Variants in TRAPPC3L observed in about 807,000 individuals in gnomAD.
The protein encoded by TRAPPC3L is trafficking protein particle complex subunit 3-like protein.
A neutral mutation model predicts 23.7 loss-of-function variants in TRAPPC3L; 23 were observed. The observed-to-expected ratio is 0.97, with a 90% CI of 0.70 to 1.37. The LOEUF (loss-of-function observed/expected upper bound fraction) is 1.37, where lower values mean the gene tolerates loss of function less well. Ranked by LOEUF, TRAPPC3L falls within the 40% of genes most tolerant of loss-of-function variation. The pLI is 0.00. For synonymous variants in TRAPPC3L, 81 were observed against 77.9 expected (o/e 1.04, Z -0.21); for missense variants, 212 against 216.8 (o/e 0.98, Z 0.14).
intron 3 of TRAPPC3L, among the ~76,000 whole-genome samples, chr6:116,525,675 T>C (rs1253821620): frequency 1.3e-5 from 2 of 152,232 alleles, no homozygotes; most frequent in African/African-American, 2.4e-5. Flanking sequence ...GAAAATGAAT[T>C]AATTACTTCA....
At chr6:116,501,951 C>T (rs930423042) in intron 3 of TRAPPC3L, among the ~76,000 whole-genome samples, 2 of 152,190 alleles carry the variant, frequency 1.3e-5, no homozygotes, top group African/African-American at 4.8e-5. Flanking sequence ...ATTCCAAAAA[C>T]CAGAACACCT....
chr6:116,499,036 A>G (rs1384284950), intron 4 of TRAPPC3L, among the ~76,000 whole-genome samples: 2 of 152,160 alleles, frequency 1.3e-5, no homozygotes, highest in Non-Finnish European at 2.9e-5. Context: ...CCTCACTTGC[A>G]TGTGTTAAAC....
intron 3 of TRAPPC3L, among the ~76,000 whole-genome samples, chr6:116,513,102 A>G (rs1300146234): frequency 6.6e-6 from 1 of 152,204 alleles, no homozygotes; most frequent in Non-Finnish European, 1.5e-5. Context: ...ACAAGTGGTA[A>G]GAGTTGATAA....
chr6:116,515,179 A>G (rs901064314), intron 3 of TRAPPC3L, among the ~76,000 whole-genome samples: 8 of 152,162 alleles, frequency 5.3e-5, no homozygotes, highest in Non-Finnish European at 7.4e-5. Flanking sequence ...CTAGCCATGT[A>G]TATACATTTA....
At chr6:116,516,717 A>ACG (rs1772236445) in intron 3 of TRAPPC3L, 5 of 146,276 alleles carry the variant, frequency 3.4e-5, no homozygotes, top group Non-Finnish European at 6.0e-5. Context: ...ATACACACAC[A>ACG]CAGAAATATA....
intron 3 of TRAPPC3L, chr6:116,522,318 G>A (rs1772360661): frequency 6.6e-6 from 1 of 152,198 alleles, no homozygotes. Flanking sequence ...CAAAAATCAT[G>A]AGCTTAAATA....
intron 4 of TRAPPC3L, among the ~76,000 whole-genome samples, chr6:116,500,091 C>A (rs145404915): frequency 5.8e-4 from 89 of 152,306 alleles, no homozygotes; most frequent in Non-Finnish European, 1.0e-3. Context: ...ACAAAGAGGT[C>A]CATGTGGCCA....
At chr6:116,535,535 G>T (rs897959563) in intron 3 of TRAPPC3L, among the ~76,000 whole-genome samples, 1 of 152,150 alleles carries the variant, frequency 6.6e-6, no homozygotes, top group African/African-American at 2.4e-5. Flanking sequence ...AAATGTGTTT[G>T]GAAACCCTAA....
intron 3 of TRAPPC3L, among the ~76,000 whole-genome samples, chr6:116,527,671 A>G (rs1772485697): frequency 6.6e-6 from 1 of 152,232 alleles, no homozygotes; most frequent in Non-Finnish European, 1.5e-5. Flanking sequence ...CCTTCCCTAC[A>G]GTTTCATAAG....
chr6:116,511,183 G>GATGT (rs1554233703), intron 3 of TRAPPC3L, among the ~76,000 whole-genome samples: 4 of 141,516 alleles, frequency 2.8e-5, no homozygotes, highest in Non-Finnish European at 6.1e-5. Flanking sequence ...AAAAGCTATT[G>GATGT]ATATATATAT....
chr6:116,536,096 A>C (rs1547028), intron 3 of TRAPPC3L, among the ~76,000 whole-genome samples: 1 of 152,006 alleles, frequency 6.6e-6, no homozygotes, highest in Non-Finnish European at 1.5e-5. Context: ...TTCAAAATAA[A>C]TTAGTATGTC....
At chr6:116,535,916 A>C (rs1486641537) in intron 3 of TRAPPC3L, among the ~76,000 whole-genome samples, 1 of 152,202 alleles carries the variant, frequency 6.6e-6, no homozygotes, top group Non-Finnish European at 1.5e-5. Context: ...CAATTATTCT[A>C]TCAGTAAAAT....
chr6:116,501,633 T>C (rs190259939), intron 3 of TRAPPC3L, among the ~76,000 whole-genome samples: 89 of 152,210 alleles, frequency 5.8e-4, no homozygotes, highest in African/African-American at 2.1e-3. Flanking sequence ...AGACACCTCA[T>C]ACAGGCAGGT....
intron 3 of TRAPPC3L, among the ~76,000 whole-genome samples, chr6:116,526,156 C>G (rs1772436190): frequency 6.6e-6 from 1 of 152,218 alleles, no homozygotes; most frequent in Admixed American, 6.5e-5. Context: ...CTACCTCTTT[C>G]CCTATAGACA....
At chr6:116,540,537 TTG>T in intron 2 of TRAPPC3L, 75 bp from the exon 3 acceptor site, 1 of 1,433,714 alleles carries the variant, frequency 7.0e-7, no homozygotes. Flanking sequence ...AAGAAGCGAT[TTG>T]TGTGTTTAGC....
rs61639276 is a variant in TRAPPC3L at position 116,497,825 on chromosome 6, G to C, written c.427-752C>G. 5.7e-3 allele frequency among the ~76,000 whole-genome samples: 867 copies of C among 152,246 alleles called. 10 individuals are homozygous for C. The highest frequency in any genetic ancestry group is 0.02 in the African/African-American group (837 of 41,544). On this transcript the variant is annotated intron_variant, in intron 4 of 4. Transcript: ENST00000368602. ...TAAGATAAATAAGTAAAAGCACCTA[G>C]TAAAAGCAAATAATATGTGAAAAAT...
chr6:116,544,416 T>C (rs1468868793), intron 1 of TRAPPC3L, among the ~76,000 whole-genome samples: 1 of 152,110 alleles, frequency 6.6e-6, no homozygotes, highest in Non-Finnish European at 1.5e-5. Flanking sequence ...AGGCCAGCTT[T>C]CTCTATTCTG....
intron 3 of TRAPPC3L, among the ~76,000 whole-genome samples, chr6:116,530,736 A>G (rs1432994805): frequency 1.3e-5 from 2 of 151,866 alleles, no homozygotes; most frequent in African/African-American, 2.4e-5. Flanking sequence ...GCAAATGTAT[A>G]ACAAAGACAG....
At chr6:116,526,841 T>C (rs1462989380) in intron 3 of TRAPPC3L, among the ~76,000 whole-genome samples, 1 of 152,236 alleles carries the variant, frequency 6.6e-6, no homozygotes, top group Non-Finnish European at 1.5e-5. Context: ...AAGCTATTGC[T>C]ATTTTCAGTC....
Sources: allele counts gnomAD v4.1 joint callset (sites outside exome capture counted in the v4.1 genomes callset), GRCh38; gene constraint gnomAD v4.1.1; transcripts MANE v1.5; gene names NCBI Gene and HGNC (gene_info 2026-07-23, HGNC 2026-07-21).